ARHGAP42: variants seen among roughly 807,000 people sequenced by gnomAD.
ARHGAP42 encodes rho GTPase-activating protein 42.
ARHGAP42 carries 63 observed loss-of-function variants against 125.0 expected under a neutral mutation model. The observed-to-expected ratio is 0.50, with a 90% CI of 0.41 to 0.62. ARHGAP42 has a LOEUF of 0.62. Among genes scored for constraint, ARHGAP42 ranks in the 20% least tolerant of loss-of-function variants. The pLI, the probability that ARHGAP42 is intolerant of heterozygous loss-of-function variation, is 0.00. For synonymous variants in ARHGAP42, 339 were observed against 351.0 expected (o/e 0.97, Z 0.38); for missense variants, 766 against 1,024.2 (o/e 0.75, Z 3.44).
chr11:100,897,605 G>T (rs1435704932), intron 4 of ARHGAP42, among the ~76,000 whole-genome samples: 1 of 152,100 alleles, frequency 6.6e-6, no homozygotes, highest in African/African-American at 2.4e-5. Flanking sequence ...TGAAGCAATT[G>T]TGAATGGGAG....
intron 1 of ARHGAP42, among the ~76,000 whole-genome samples, chr11:100,705,813 C>T (rs1054794257): frequency 3.9e-4 from 60 of 152,058 alleles, no homozygotes; most frequent in African/African-American, 1.4e-3. Context: ...ATGATCCTCC[C>T]GCCTTGGCCT....
intron 1 of ARHGAP42, among the ~76,000 whole-genome samples, chr11:100,747,842 C>T (rs1007624705): frequency 6.6e-6 from 1 of 151,838 alleles, no homozygotes; most frequent in Middle Eastern, 3.2e-3. Context: ...TTTTTTTTCA[C>T]GACTTTCACA....
chr11:100,845,073 T>A (rs1215812053), intron 3 of ARHGAP42, among the ~76,000 whole-genome samples: 2 of 150,104 alleles, frequency 1.3e-5, no homozygotes, highest in Non-Finnish European at 2.9e-5. Context: ...ATAAAGAAAC[T>A]GTGATATATA....
intron 3 of ARHGAP42, among the ~76,000 whole-genome samples, chr11:100,853,088 T>C (rs980834276): frequency 2.0e-5 from 3 of 152,286 alleles, no homozygotes; most frequent in African/African-American, 7.2e-5. Flanking sequence ...TTTTAAAAAA[T>C]TCTATAAAAT....
intron 1 of ARHGAP42, among the ~76,000 whole-genome samples, chr11:100,709,894 T>C (rs1786845): frequency 0.13 from 19,593 of 152,266 alleles, 1,688 homozygotes; most frequent in Non-Finnish European, 0.19. Context: ...AAAGAATTTT[T>C]CCTGCCTAAA....
At chr11:100,750,457 T>TGG (rs1469322922) in intron 1 of ARHGAP42, among the ~76,000 whole-genome samples, 1 of 84,186 alleles carries the variant, frequency 1.2e-5, no homozygotes, top group African/African-American at 4.7e-5. Flanking sequence ...ATGAGTCAGG[T>TGG]GGAGAATGAG....
chr11:100,801,664 C>T (rs549416715), intron 3 of ARHGAP42, among the ~76,000 whole-genome samples: 2 of 152,098 alleles, frequency 1.3e-5, no homozygotes, highest in African/African-American at 2.4e-5. Flanking sequence ...AACTAAAATG[C>T]ATAGTTTTAA....
At chr11:100,728,667 G>A (rs538371468) in intron 1 of ARHGAP42, among the ~76,000 whole-genome samples, 2 of 137,382 alleles carry the variant, frequency 1.5e-5, no homozygotes, top group African/African-American at 5.5e-5. Context: ...GGTTCACGAT[G>A]GATCTAAATA....
At chr11:100,717,923 T>TAA (rs1555109759) in intron 1 of ARHGAP42, among the ~76,000 whole-genome samples, 38 of 140,728 alleles carry the variant, frequency 2.7e-4, no homozygotes, top group South Asian at 4.6e-4. Context: ...GACTCTGCCT[T>TAA]AAAAAAAAAA....
chr11:100,853,914 G>GAA (rs150872695), intron 3 of ARHGAP42, among the ~76,000 whole-genome samples: 38 of 147,142 alleles, frequency 2.6e-4, no homozygotes, highest in Middle Eastern at 3.5e-3. Context: ...CTAATTCATT[G>GAA]AAAAAAAAAA....
intron 4 of ARHGAP42, among the ~76,000 whole-genome samples, chr11:100,892,455 G>A (rs546059): frequency 0.91 from 138,263 of 152,100 alleles, 63,013 homozygotes; most frequent in East Asian, 1. Flanking sequence ...GACTAAGTCA[G>A]TTTCTAAAAA....
At chr11:100,830,462 T>A (rs1167305384) in intron 3 of ARHGAP42, among the ~76,000 whole-genome samples, 2 of 152,144 alleles carry the variant, frequency 1.3e-5, no homozygotes. Context: ...TGCTTCTGAG[T>A]GTAGACTGTG....
At chr11:100,967,680 A>G (rs1255657706) in intron 17 of ARHGAP42, among the ~76,000 whole-genome samples, 4 of 151,984 alleles carry the variant, frequency 2.6e-5, no homozygotes, top group South Asian at 2.1e-4. Flanking sequence ...AGCTATATAT[A>G]TATGTTTATA....
intron 3 of ARHGAP42, among the ~76,000 whole-genome samples, chr11:100,816,478 C>G (rs1162110770): frequency 2.0e-5 from 3 of 152,170 alleles, no homozygotes; most frequent in Non-Finnish European, 4.4e-5. Context: ...GAAGCATCAA[C>G]TATTTCAAGA....
At position 100,728,422 on chromosome 11, in the gene ARHGAP42, G is replaced by T. The variant is rs147885166; in HGVS notation, c.154+40590G>T. On this transcript the variant is annotated intron_variant, in intron 1 of 23. Transcript: ENST00000298815. ...GTCTTCCCCTGAGAGAGAGAAAGATGCCTTGGGCAAGAGACGGTAACACTG... is the reference window on the plus strand; with the variant it reads ...GTCTTCCCCTGAGAGAGAGAAAGATTCCTTGGGCAAGAGACGGTAACACTG... 3.9e-3 allele frequency among the ~76,000 whole-genome samples: 594 copies of T among 152,190 alleles called. 6 individuals carry two copies. Among genetic ancestry groups the T allele is most frequent in the African/African-American group, 0.014 (573 of 41,544 alleles).
chr11:100,934,709 C>T (rs1231988444), intron 7 of ARHGAP42, among the ~76,000 whole-genome samples: 4 of 152,202 alleles, frequency 2.6e-5, no homozygotes, highest in Non-Finnish European at 1.5e-5. Flanking sequence ...AAAACCTTCA[C>T]TTAATTTTCT....
intron 4 of ARHGAP42, among the ~76,000 whole-genome samples, chr11:100,872,780 C>T (rs189483564): frequency 6.6e-6 from 1 of 152,228 alleles, no homozygotes; most frequent in East Asian, 1.9e-4. Context: ...GATTAGCATG[C>T]CATCATCTGT....
intron 3 of ARHGAP42, among the ~76,000 whole-genome samples, chr11:100,825,621 C>T (rs995161164): frequency 6.6e-6 from 1 of 152,210 alleles, no homozygotes; most frequent in South Asian, 2.1e-4. Context: ...CCTCCAGTAC[C>T]GTGTTGGCTG....
chr11:100,832,918 A>G (rs1243914050), intron 3 of ARHGAP42, among the ~76,000 whole-genome samples: 2 of 152,224 alleles, frequency 1.3e-5, no homozygotes, highest in African/African-American at 2.4e-5. Context: ...GGTATGCTGA[A>G]CAGCAAGCTG....
Sources: allele counts gnomAD v4.1 joint callset (sites outside exome capture counted in the v4.1 genomes callset), GRCh38; gene constraint gnomAD v4.1.1; transcripts MANE v1.5; gene names NCBI Gene and HGNC (gene_info 2026-07-23, HGNC 2026-07-21).